The following MYH15 variants were observed in gnomAD, a reference collection of about 807,000 sequenced individuals.
The protein encoded by MYH15 is myosin-15.
A neutral mutation model predicts 240.5 loss-of-function variants in MYH15; 227 were observed. That is an observed-to-expected ratio of 0.94 (90% CI 0.85 to 1.05). MYH15 has a LOEUF of 1.05. Ranked by LOEUF, MYH15 falls within the 50% of genes least tolerant of loss-of-function variation. The probability of loss-of-function intolerance (pLI) is 0.00; values close to 1 mark genes in which losing one functional copy is unlikely to be tolerated. For missense variants in MYH15, 2,217 were observed against 2,247.5 expected (o/e 0.99, Z 0.27); for synonymous variants, 785 against 796.7 (o/e 0.99, Z 0.25).
chr3:108,462,293 A>G (rs2083078813), intron 16 of MYH15, among the ~76,000 whole-genome samples: 1 of 152,106 alleles, frequency 6.6e-6, no homozygotes. Flanking sequence ...TCGTAAATGC[A>G]TGTAGCCTGT....
chr3:108,407,867 G>A (rs2082558119), intron 32 of MYH15, among the ~76,000 whole-genome samples: 1 of 152,182 alleles, frequency 6.6e-6, no homozygotes, highest in African/African-American at 2.4e-5. Context: ...GAACCACCAA[G>A]GGATCTTGTT....
At chr3:108,471,359 T>G (rs2083175297) in intron 12 of MYH15, among the ~76,000 whole-genome samples, 1 of 152,110 alleles carries the variant, frequency 6.6e-6, no homozygotes, top group Non-Finnish European at 1.5e-5. Flanking sequence ...TCAGGCCCAG[T>G]CCCAGACCTA....
At chr3:108,464,044 T>C (rs2083093356) in intron 15 of MYH15, among the ~76,000 whole-genome samples, 1 of 152,180 alleles carries the variant, frequency 6.6e-6, no homozygotes, top group Admixed American at 6.5e-5. Context: ...AAGAGAACTA[T>C]AAACATATCT....
the MYH15 span, among the ~76,000 whole-genome samples, chr3:108,534,959 T>A: frequency 6.6e-6 from 1 of 152,250 alleles, no homozygotes; most frequent in Non-Finnish European, 1.5e-5. Flanking sequence ...ATGTGCTTGG[T>A]ATTTCAGTTC....
chr3:108,518,695 CG>C (rs927212075), intron 1 of MYH15, among the ~76,000 whole-genome samples: 2 of 152,174 alleles, frequency 1.3e-5, no homozygotes, highest in African/African-American at 4.8e-5. Flanking sequence ...GGTGTTCACA[CG>C]TCATGTGACC....
chr3:108,540,574 C>G, the MYH15 span, among the ~76,000 whole-genome samples: 1 of 152,088 alleles, frequency 6.6e-6, no homozygotes, highest in Admixed American at 6.6e-5. Context: ...TCGAAAAGAT[C>G]TGATAAAATT....
intron 5 of MYH15, 134 bp downstream of exon 5, chr3:108,499,321 C>T: frequency 1.1e-6 from 1 of 900,326 alleles, no homozygotes; most frequent in Non-Finnish European, 1.8e-6. Context: ...CTTTTTCTTA[C>T]CTCAAATGTA....
chr3:108,430,936 G>A lies in MYH15; in HGVS notation c.3222-14C>T. 6.6e-7 allele frequency: 1 copy of A among 1,509,386 alleles called. No homozygotes were observed. Among genetic ancestry groups the A allele is most frequent in the African/African-American group, 1.4e-5 (1 of 73,154 alleles). The allele number at this position is 1,509,386 out of a possible 1,614,324, so 93.5% of individuals were successfully genotyped here. On this transcript the variant is annotated splice_polypyrimidine_tract_variant and intron_variant, in intron 25 of 40. Coordinates refer to ENST00000693548, the MANE Select transcript of MYH15 (RefSeq NM_014981.3). ...TCTAATTCTTTTCTGTTTAGAAAAA[G>A]ATATCAAATACAATTGTTCAGAATA...
intron 9 of MYH15, among the ~76,000 whole-genome samples, chr3:108,488,239 C>T (rs1202345860): frequency 6.6e-6 from 1 of 152,092 alleles, no homozygotes; most frequent in Non-Finnish European, 1.5e-5. Context: ...TCTGTCCCTG[C>T]CTTATTTCAT....
chr3:108,510,708 C>T, upstream of MYH15: 3 of 937,956 alleles, frequency 3.2e-6, no homozygotes, highest in Admixed American at 5.5e-5. Context: ...CTACCTGTGC[C>T]CCTTCTTTCT....
chr3:108,547,093 A>G, the MYH15 span, among the ~76,000 whole-genome samples: 1 of 151,990 alleles, frequency 6.6e-6, no homozygotes. Context: ...ATATATATAT[A>G]TATGTCTGAG....
chr3:108,543,414 C>G, the MYH15 span: 1 of 152,226 alleles, frequency 6.6e-6, no homozygotes. Context: ...CTTGAAGACA[C>G]TGATATGCAC....
chr3:108,466,165 C>T (rs2083115591), intron 14 of MYH15, among the ~76,000 whole-genome samples: 1 of 152,104 alleles, frequency 6.6e-6, no homozygotes, highest in African/African-American at 2.4e-5. Context: ...AGTTTGCTGA[C>T]CCCTGGTCTA....
In MYH15 at chr3:108,394,134, T is replaced by C. The variant is rs1402586815; in HGVS notation, c.5156A>G (p.Lys1719Arg). The stretch of plus-strand genomic sequence containing the variant: ...GGCAACATCAGCCTCCAGTTTCTTC[T>C]TCTGGCTGAGGAGGCTTGTGTTCTA... ...YTQNTSLLSQ[K>R]KKLEADVARM... Residue 1719 changes from lysine (K) to arginine (R), a missense_variant, in exon 36 of 41, where the codon AAG becomes AGG. Lys to Arg is a conservative substitution (Grantham distance 26). Coordinates refer to ENST00000693548, the MANE Select transcript of MYH15 (RefSeq NM_014981.3). 12 of 1,614,126 alleles carry C rather than the reference T, an allele frequency of 7.4e-6. No homozygotes were observed. Among genetic ancestry groups the C allele is most frequent in the Non-Finnish European group, 1.0e-5 (12 of 1,179,966 alleles).
chr3:108,445,641 G>A (rs982313696), intron 21 of MYH15, among the ~76,000 whole-genome samples: 1 of 152,034 alleles, frequency 6.6e-6, no homozygotes, highest in Non-Finnish European at 1.5e-5. Flanking sequence ...CCTGAAGAGG[G>A]CTTACAATCC....
intron 2 of MYH15, among the ~76,000 whole-genome samples, chr3:108,504,383 T>C (rs970260721): frequency 1.3e-5 from 2 of 152,208 alleles, no homozygotes; most frequent in Admixed American, 1.3e-4. Flanking sequence ...ATCTACCTAA[T>C]TTGAGATTTT....
At chr3:108,395,711 T>C (rs2082455413) in intron 35 of MYH15, among the ~76,000 whole-genome samples, 1 of 150,970 alleles carries the variant, frequency 6.6e-6, no homozygotes. Context: ...ACAGCTCAAG[T>C]TTGAAAAAGA....
At chr3:108,481,859 A>T (rs1276787062) in intron 11 of MYH15, among the ~76,000 whole-genome samples, 2 of 152,212 alleles carry the variant, frequency 1.3e-5, no homozygotes, top group Non-Finnish European at 2.9e-5. Context: ...AGGTTAAGGA[A>T]GCTGTGACAG....
intron 5 of MYH15, 48 bp from the exon 6 acceptor site, chr3:108,498,193 T>C: frequency 3.2e-6 from 5 of 1,549,484 alleles, no homozygotes; most frequent in Non-Finnish European, 4.5e-6. Flanking sequence ...TGATTATCAA[T>C]GCAACGAAAG....
Sources: allele counts gnomAD v4.1 joint callset (sites outside exome capture counted in the v4.1 genomes callset), GRCh38; gene constraint gnomAD v4.1.1; transcripts MANE v1.5; gene names NCBI Gene and HGNC (gene_info 2026-07-23, HGNC 2026-07-21).